The following R3HDM1 variants were observed in gnomAD, a reference collection of about 807,000 sequenced individuals.
The protein encoded by R3HDM1 is R3H domain-containing protein 1.
In R3HDM1, 46 loss-of-function variants were observed where a neutral mutation model predicts 141.1. The observed-to-expected ratio is 0.33, with a 90% confidence interval of 0.26 to 0.42. The LOEUF is 0.42. Among genes scored for constraint, R3HDM1 ranks in the 10% least tolerant of loss-of-function variants. The pLI is 1.00. For synonymous variants in R3HDM1, 435 were observed against 472.9 expected, an observed-to-expected ratio of 0.92 and a Z score of 1.04; for missense variants, 1,184 against 1,368.3, an observed-to-expected ratio of 0.87 and a Z score of 2.12.
chr2:135,722,077 C>A, intron 25 of R3HDM1, 71 bp downstream of exon 25: 1 of 1,454,516 alleles, frequency 6.9e-7, no homozygotes, highest in Non-Finnish European at 9.6e-7. Flanking sequence ...TAAGGGGCAA[C>A]CCTGAGCCCA....
intron 17 of R3HDM1, 177 bp from the exon 18 acceptor site, chr2:135,651,553 A>G: frequency 1.1e-6 from 1 of 935,596 alleles, no homozygotes; most frequent in Non-Finnish European, 1.3e-6. Context: ...ATAATATTCA[A>G]CAATAGAGTT....
intron 7 of R3HDM1, among the ~76,000 whole-genome samples, chr2:135,630,292 A>AAAAC (rs2062551545): frequency 6.8e-6 from 1 of 146,008 alleles, no homozygotes; most frequent in African/African-American, 2.6e-5. Flanking sequence ...AAAAAAAAAA[A>AAAAC]AAAAAAAAAA....
intron 1 of R3HDM1, among the ~76,000 whole-genome samples, chr2:135,555,882 G>A (rs1700661521): frequency 6.6e-6 from 1 of 152,138 alleles, no homozygotes; most frequent in Non-Finnish European, 1.5e-5. Flanking sequence ...TGGGCATGGT[G>A]GCATACATTT....
chr2:135,685,142 T>A (rs2071111170), intron 21 of R3HDM1, among the ~76,000 whole-genome samples: 1 of 152,200 alleles, frequency 6.6e-6, no homozygotes, highest in Non-Finnish European at 1.5e-5. Flanking sequence ...GTTTTTCTAA[T>A]TTCTTGACAA....
At chr2:135,660,343 T>A (rs2066527509) in intron 18 of R3HDM1, among the ~76,000 whole-genome samples, 1 of 152,206 alleles carries the variant, frequency 6.6e-6, no homozygotes, top group Non-Finnish European at 1.5e-5. Flanking sequence ...TTCTGTTTCA[T>A]ATACATCTTA....
At chr2:135,649,291 T>A (rs1423672568) in intron 16 of R3HDM1, 2 of 152,090 alleles carry the variant, frequency 1.3e-5, no homozygotes, top group Non-Finnish European at 2.9e-5. Context: ...GGTCTCAATC[T>A]CCTGACCTCG....
intron 5 of R3HDM1, among the ~76,000 whole-genome samples, chr2:135,618,363 T>C (rs1348348179): frequency 6.6e-6 from 1 of 151,832 alleles, no homozygotes; most frequent in African/African-American, 2.4e-5. Flanking sequence ...GGTTTCACCA[T>C]GTTGGCCAGG....
chr2:135,680,636 G>A (rs762248426), intron 21 of R3HDM1, among the ~76,000 whole-genome samples: 2 of 152,184 alleles, frequency 1.3e-5, no homozygotes, highest in Non-Finnish European at 2.9e-5. Context: ...TGGGCAAGGT[G>A]GCGTACGCCT....
At chr2:135,595,953 A>G (rs1381042577) in intron 1 of R3HDM1, among the ~76,000 whole-genome samples, 2 of 152,108 alleles carry the variant, frequency 1.3e-5, no homozygotes, top group Admixed American at 1.3e-4. Flanking sequence ...GTGTTCCTCT[A>G]TTACTCAAGC....
chr2:135,567,529 G>C (rs542692815), intron 1 of R3HDM1, among the ~76,000 whole-genome samples: 8 of 152,096 alleles, frequency 5.3e-5, no homozygotes, highest in Non-Finnish European at 1.5e-5. Flanking sequence ...TCACCTGTTC[G>C]CCTCTAGAGC....
At chr2:135,662,264 C>T (rs1336589224) in intron 19 of R3HDM1, among the ~76,000 whole-genome samples, 2 of 152,224 alleles carry the variant, frequency 1.3e-5, no homozygotes, top group Non-Finnish European at 2.9e-5. Context: ...ATAACCTCCA[C>T]CTCCACTGAG....
At chr2:135,689,667 G>C (rs1381999861) in intron 21 of R3HDM1, among the ~76,000 whole-genome samples, 1 of 152,166 alleles carries the variant, frequency 6.6e-6, no homozygotes, top group Non-Finnish European at 1.5e-5. Context: ...TTTGTGTTTG[G>C]ATTGGATTGT....
At chr2:135,721,606 G>T in intron 24 of R3HDM1, 1 of 180,304 alleles carries the variant, frequency 5.5e-6, no homozygotes, top group South Asian at 1.4e-4. Flanking sequence ...TTATTTTTTT[G>T]AGACAGTCTC....
intron 16 of R3HDM1, among the ~76,000 whole-genome samples, chr2:135,646,162 G>A (rs922706574): frequency 1.4e-5 from 2 of 144,658 alleles, no homozygotes; most frequent in African/African-American, 5.1e-5. Flanking sequence ...TTGAGATGGA[G>A]TCTTGCTCTG....
chr2:135,561,698 A>G (rs1701826805), intron 1 of R3HDM1, among the ~76,000 whole-genome samples: 1 of 151,796 alleles, frequency 6.6e-6, no homozygotes, highest in African/African-American at 2.4e-5. Context: ...AGCTTAGGTG[A>G]CAAAAGTGAG....
At chr2:135,723,338 G>C (rs916116567) in intron 26 of R3HDM1, among the ~76,000 whole-genome samples, 2 of 151,580 alleles carry the variant, frequency 1.3e-5, no homozygotes, top group Non-Finnish European at 2.9e-5. Context: ...GGTCAGGCTG[G>C]TCTCGAACTC....
chr2:135,538,572 A>G (rs1253475261), intron 1 of R3HDM1, among the ~76,000 whole-genome samples: 2 of 152,136 alleles, frequency 1.3e-5, no homozygotes, highest in Non-Finnish European at 2.9e-5. Flanking sequence ...TTTTCTTTAT[A>G]TCCTTGCCCT....
Position 135,573,163 on chromosome 2 carries a change from G to A in R3HDM1, c.-249-29337G>A, listed in dbSNP as rs893612558. Reference sequence around the variant, plus strand: ...TTATATGACATGTCGTTTGTATGTCGATAAGCTGTTACCAAAAGAAAATTT... The same window carrying A: ...TTATATGACATGTCGTTTGTATGTCAATAAGCTGTTACCAAAAGAAAATTT... On this transcript the variant is annotated intron_variant, in intron 1 of 26. Coordinates refer to ENST00000683871, the MANE Select transcript of R3HDM1 (RefSeq NM_001378107.1). Among the ~76,000 whole-genome samples, 10 of 152,208 alleles carry A rather than the reference G, an allele frequency of 6.6e-5. No homozygotes were observed. In the South Asian group the frequency reaches 1.2e-3, roughly 19 times the overall value.
intron 1 of R3HDM1, among the ~76,000 whole-genome samples, chr2:135,561,764 A>G (rs1461879143): frequency 6.6e-6 from 1 of 152,208 alleles, no homozygotes; most frequent in Admixed American, 6.5e-5. Flanking sequence ...TGTATTAACT[A>G]GAATATAATA....
Sources: gnomAD v4.1 joint callset for allele counts (sites outside exome capture counted in the v4.1 genomes callset) on GRCh38, gnomAD v4.1.1 for gene constraint, MANE v1.5 for transcripts, NCBI Gene and HGNC (gene_info 2026-07-23, HGNC 2026-07-21) for gene names.